The following SLIT2 variants were observed in gnomAD, a reference collection of about 807,000 sequenced individuals.
SLIT2 encodes the protein slit guidance ligand 2.
Under a neutral mutation model 185.7 loss-of-function variants are expected in SLIT2, and 41 were observed. The observed-to-expected ratio is 0.22, with a 90% CI of 0.17 to 0.29. SLIT2 has a LOEUF of 0.29. Ranked by LOEUF, SLIT2 falls within the 10% of genes least tolerant of loss-of-function variation. The pLI, the probability that SLIT2 is intolerant of heterozygous loss-of-function variation, is 1.00. For missense variants in SLIT2, 1,571 were observed against 1,909.0 expected, an observed-to-expected ratio of 0.82 and a Z score of 3.30; for synonymous variants, 693 against 680.2, an observed-to-expected ratio of 1.02 and a Z score of -0.29.
At chr4:20,535,567 T>G (rs1722196851) in intron 18 of SLIT2, among the ~76,000 whole-genome samples, 2 of 152,058 alleles carry the variant, frequency 1.3e-5, no homozygotes, top group Non-Finnish European at 2.9e-5. Flanking sequence ...CATAATGAGC[T>G]TCCACAGACT....
chr4:20,546,627 G>C (rs960153288), intron 22 of SLIT2, among the ~76,000 whole-genome samples: 8 of 151,912 alleles, frequency 5.3e-5, no homozygotes, highest in South Asian at 2.1e-4. Flanking sequence ...ACTTGACAAA[G>C]ATACTAACAT....
rs1420002299 is a variant in SLIT2 at position 20,382,041 on chromosome 4, C to G, written c.396-85711C>G. On this transcript the variant is annotated intron_variant, in intron 4 of 36. Coordinates refer to ENST00000504154, the MANE Select transcript of SLIT2 (RefSeq NM_004787.4). ...AATAAAAAATGTGATACATCATGAC[C>G]AAATAGGATTTATCCCAAAAATGCA... Among the ~76,000 whole-genome samples, 11 of 151,716 alleles carry G rather than the reference C, an allele frequency of 7.3e-5. No individual in the cohort carries two copies. The East Asian group carries it at 2.1e-3, about 29-fold the overall frequency.
chr4:20,542,185 A>G (rs1437104860), intron 20 of SLIT2, among the ~76,000 whole-genome samples: 3 of 152,286 alleles, frequency 2.0e-5, no homozygotes, highest in Admixed American at 2.0e-4. Flanking sequence ...TTTCTCTGTA[A>G]TTCACTTTGC....
intron 4 of SLIT2, among the ~76,000 whole-genome samples, chr4:20,384,435 A>G (rs1303590070): frequency 6.6e-6 from 1 of 152,192 alleles, no homozygotes; most frequent in Non-Finnish European, 1.5e-5. Flanking sequence ...CTGCATCATG[A>G]CAGTTTTAGT....
chr4:20,289,504 T>C (rs1333062664), intron 4 of SLIT2, among the ~76,000 whole-genome samples: 1 of 152,180 alleles, frequency 6.6e-6, no homozygotes, highest in Non-Finnish European at 1.5e-5. Context: ...GGGTGCCTTA[T>C]CACCTCATCC....
At chr4:20,523,927 C>G in intron 13 of SLIT2, 24 bp downstream of exon 13, 1 of 1,613,452 alleles carries the variant, frequency 6.2e-7, no homozygotes, top group Non-Finnish European at 8.5e-7. Flanking sequence ...ATTTGGATCA[C>G]TTTTGATGAC....
chr4:20,529,096 A>C lies in SLIT2; in HGVS notation c.1610A>C (p.Glu537Ala). Residue 537 changes from glutamate to alanine, a missense_variant, in exon 16 of 37, where the codon GAG becomes GCG. By Grantham distance (107) the Glu-to-Ala change is moderately radical. Transcript: ENST00000504154. ...IPEHIPQYTA[E>A]LRLNNNEFTV... is the part of the protein sequence containing the mutation. ...GAGCACATTCCCCAGTACACTGCAG[A>C]GTTGTAAGTTCATCCCCCAACAAAA... The C allele has an allele frequency of 6.3e-7, 1 of 1,587,834 alleles. No homozygotes were observed. The highest frequency in any genetic ancestry group is 2.2e-5 in the East Asian group (1 of 44,640).
chr4:20,495,181 A>G lies in SLIT2; in HGVS notation c.914+3282A>G, dbSNP rs373935382. On this transcript the variant is annotated intron_variant, in intron 9 of 36. Transcript: ENST00000504154. ...AGTATTGATTAATATTCAAGAGAGT[A>G]GATAAGCCGCAGTTTGAATAGTTTG... 7.2e-5 allele frequency among the ~76,000 whole-genome samples: 11 copies of G among 152,262 alleles called. No individual in the cohort carries two copies. In the East Asian group the frequency reaches 9.6e-4, roughly 13 times the overall value.
intron 29 of SLIT2, among the ~76,000 whole-genome samples, chr4:20,586,031 C>T (rs1577973989): frequency 6.6e-6 from 1 of 152,174 alleles, no homozygotes. Flanking sequence ...CTAATTTCCT[C>T]TTACTGGTTG....
chr4:20,373,984 C>A (rs1723803882), intron 4 of SLIT2, among the ~76,000 whole-genome samples: 3 of 152,074 alleles, frequency 2.0e-5, no homozygotes, highest in East Asian at 1.9e-4. Context: ...TTAGAAATTG[C>A]TGTCATCTGT....
chr4:20,398,469 C>T (rs576507169), intron 4 of SLIT2, among the ~76,000 whole-genome samples: 2 of 151,790 alleles, frequency 1.3e-5, no homozygotes, highest in African/African-American at 2.4e-5. Flanking sequence ...CAGAGTTATC[C>T]GTGTTTGCAA....
At chr4:20,322,891 C>T (rs1388486810) in intron 4 of SLIT2, among the ~76,000 whole-genome samples, 1 of 152,100 alleles carries the variant, frequency 6.6e-6, no homozygotes, top group Non-Finnish European at 1.5e-5. Flanking sequence ...CTTCTAACCA[C>T]CAGCTCTTAG....
intron 4 of SLIT2, among the ~76,000 whole-genome samples, chr4:20,434,475 G>A (rs138320441): frequency 8.5e-5 from 13 of 152,116 alleles, no homozygotes; most frequent in Non-Finnish European, 1.3e-4. Flanking sequence ...CAACAAGAGC[G>A]AAACTCTGTC....
At chr4:20,493,589 C>G (rs577527137) in intron 9 of SLIT2, among the ~76,000 whole-genome samples, 1 of 152,150 alleles carries the variant, frequency 6.6e-6, no homozygotes, top group Admixed American at 6.5e-5. Flanking sequence ...GGGCAAGGTA[C>G]GATGGTTAAC....
intron 26 of SLIT2, chr4:20,554,183 G>A (rs1724033086): frequency 9.9e-6 from 6 of 604,860 alleles, no homozygotes; most frequent in Non-Finnish European, 1.5e-5. Flanking sequence ...CATTGGTAAT[G>A]ACCAAGTTTT....
In SLIT2 at chr4:20,358,062, G is replaced by T. The variant is rs183005962; in HGVS notation, c.395+89181G>T. Among the ~76,000 whole-genome samples the T allele has an allele frequency of 3.8e-3, 571 of 152,124 alleles. 5 individuals carry two copies. The highest frequency in any genetic ancestry group is 0.034 in the South Asian group (164 of 4,818). Reference sequence around the variant, plus strand: ...TTAAAGGCCTATAAGACCTGTGGTTGGATGACGGTATGTATTAATGTTGTT... The same window carrying T: ...TTAAAGGCCTATAAGACCTGTGGTTTGATGACGGTATGTATTAATGTTGTT... On this transcript the variant is annotated intron_variant, in intron 4 of 36. Transcript: ENST00000504154.
At chr4:20,462,823 A>G (rs1172229291) in intron 4 of SLIT2, among the ~76,000 whole-genome samples, 25 of 152,306 alleles carry the variant, frequency 1.6e-4, no homozygotes, top group Non-Finnish European at 1.5e-4. Flanking sequence ...CATTCCACAC[A>G]GGTCATAGAA....
intron 4 of SLIT2, among the ~76,000 whole-genome samples, chr4:20,330,652 C>A (rs913433617): frequency 6.6e-6 from 1 of 151,968 alleles, no homozygotes; most frequent in Admixed American, 6.6e-5. Flanking sequence ...CATATACACA[C>A]CAATTCTAAT....
At chr4:20,300,941 T>G (rs1419030812) in intron 4 of SLIT2, among the ~76,000 whole-genome samples, 3 of 152,136 alleles carry the variant, frequency 2.0e-5, no homozygotes, top group Admixed American at 1.3e-4. Context: ...ATACATCGTT[T>G]TCTAATTTTA....
Sources: allele counts gnomAD v4.1 joint callset (sites outside exome capture counted in the v4.1 genomes callset), GRCh38; gene constraint gnomAD v4.1.1; transcripts MANE v1.5; gene names NCBI Gene and HGNC (gene_info 2026-07-23, HGNC 2026-07-21).